LDLRAD3: variants seen among roughly 807,000 people sequenced by gnomAD.
The protein encoded by LDLRAD3 is low-density lipoprotein receptor class A domain-containing protein 3.
Under a neutral mutation model 29.4 loss-of-function variants are expected in LDLRAD3, and 20 were observed. The observed-to-expected ratio is 0.68, with a 90% CI of 0.48 to 0.99. LDLRAD3 has a LOEUF of 0.99. Ranked by LOEUF, LDLRAD3 falls within the 50% of genes least tolerant of loss-of-function variation. The probability of loss-of-function intolerance (pLI) is 0.00; values close to 1 mark genes in which losing one functional copy is unlikely to be tolerated. For synonymous variants in LDLRAD3, 157 were observed against 192.7 expected (o/e 0.81, Z 1.53); for missense variants, 420 against 454.3 (o/e 0.92, Z 0.69).
chr11:36,186,366 G>A lies in LDLRAD3; in HGVS notation c.455-40719G>A, dbSNP rs115046263. Reference sequence around the variant, plus strand: ...AGAAACTACGGTATATGCAGTTGCCGGCAATGTCTATAAAATAGTCTTCTC... The same window carrying A: ...AGAAACTACGGTATATGCAGTTGCCAGCAATGTCTATAAAATAGTCTTCTC... On this transcript the variant is annotated intron_variant, in intron 4 of 5. Coordinates refer to ENST00000315571, the MANE Select transcript of LDLRAD3 (RefSeq NM_174902.4). Among the ~76,000 whole-genome samples the A allele has an allele frequency of 5.3e-3, 802 of 152,238 alleles. 6 individuals are homozygous for A. The highest frequency in any genetic ancestry group is 0.018 in the African/African-American group (746 of 41,526).
intron 1 of LDLRAD3, among the ~76,000 whole-genome samples, chr11:35,978,125 A>G (rs1851497182): frequency 6.6e-6 from 1 of 152,146 alleles, no homozygotes. Flanking sequence ...GGATCTTCTT[A>G]CTGATTGACA....
At chr11:36,116,298 C>T (rs956015550) in intron 4 of LDLRAD3, among the ~76,000 whole-genome samples, 1 of 152,200 alleles carries the variant, frequency 6.6e-6, no homozygotes, top group Admixed American at 6.5e-5. Flanking sequence ...TTTTCTTTTT[C>T]CTGCCTACCA....
chr11:36,073,533 C>G (rs1160280842), intron 2 of LDLRAD3, among the ~76,000 whole-genome samples: 1 of 152,266 alleles, frequency 6.6e-6, no homozygotes, highest in Non-Finnish European at 1.5e-5. Context: ...TCCCCACAGC[C>G]CTGTAGCAAG....
At chr11:35,978,793 C>G (rs1384740607) in intron 1 of LDLRAD3, among the ~76,000 whole-genome samples, 2 of 152,188 alleles carry the variant, frequency 1.3e-5, no homozygotes, top group Admixed American at 1.3e-4. Flanking sequence ...AGTTGTTTCT[C>G]TAACATTCCA....
intron 1 of LDLRAD3, among the ~76,000 whole-genome samples, chr11:35,974,828 G>T (rs1319364864): frequency 2.0e-5 from 3 of 152,208 alleles, no homozygotes; most frequent in Non-Finnish European, 1.5e-5. Flanking sequence ...AGGGGAAGAG[G>T]ATCACACAAG....
At chr11:36,015,402 G>C (rs937932050) in intron 1 of LDLRAD3, among the ~76,000 whole-genome samples, 2 of 145,418 alleles carry the variant, frequency 1.4e-5, no homozygotes, top group African/African-American at 2.5e-5. Context: ...GTTGCTGGTT[G>C]CTCAGGCTGT....
chr11:35,985,504 G>C (rs980331681), intron 1 of LDLRAD3, among the ~76,000 whole-genome samples: 1 of 152,072 alleles, frequency 6.6e-6, no homozygotes, highest in African/African-American at 2.4e-5. Flanking sequence ...TCAGTCTCTT[G>C]GTCCCTGAGG....
At position 35,985,826 on chromosome 11, in the gene LDLRAD3, C is replaced by A. The variant is rs1851607939; in HGVS notation, c.46+41682C>A. ...GTGAGGCCTCCCCAGCCATGTGGAA[C>A]TGTGAGTCCATTAAGCCTTTTTTTT... On this transcript the variant is annotated intron_variant, in intron 1 of 5. Coordinates refer to ENST00000315571, the MANE Select transcript of LDLRAD3 (RefSeq NM_174902.4). Among the ~76,000 whole-genome samples the A allele has an allele frequency of 2.0e-5, 3 of 151,462 alleles. No individual in the cohort carries two copies. The South Asian group carries it at 6.3e-4, about 32-fold the overall frequency.
chr11:36,135,218 C>G (rs1020270407), intron 4 of LDLRAD3, among the ~76,000 whole-genome samples: 5 of 152,310 alleles, frequency 3.3e-5, no homozygotes, highest in African/African-American at 1.2e-4. Context: ...TGGCTTGTCT[C>G]TGGTCTTTCA....
chr11:36,106,304 C>T (rs1238341446), intron 4 of LDLRAD3, among the ~76,000 whole-genome samples: 1 of 152,158 alleles, frequency 6.6e-6, no homozygotes, highest in Non-Finnish European at 1.5e-5. Flanking sequence ...GAGTCAGAAC[C>T]CTTCCATGTT....
chr11:36,107,331 G>C (rs1216779989), intron 4 of LDLRAD3, among the ~76,000 whole-genome samples: 2 of 151,904 alleles, frequency 1.3e-5, no homozygotes, highest in African/African-American at 4.8e-5. Flanking sequence ...CTCCCGAGTA[G>C]CTGAGAGGCG....
At chr11:36,090,687 C>T (rs968941173) in intron 3 of LDLRAD3, among the ~76,000 whole-genome samples, 1 of 152,154 alleles carries the variant, frequency 6.6e-6, no homozygotes, top group Non-Finnish European at 1.5e-5. Context: ...ATCCTCGAGT[C>T]CTTAGAGCCT....
At chr11:36,204,698 A>T (rs1054613714) in intron 4 of LDLRAD3, among the ~76,000 whole-genome samples, 7 of 152,164 alleles carry the variant, frequency 4.6e-5, no homozygotes, top group Admixed American at 3.9e-4. Context: ...TATGTTGGCC[A>T]GGCTGGTCTT....
At chr11:35,982,266 C>T (rs1324195743) in intron 1 of LDLRAD3, among the ~76,000 whole-genome samples, 1 of 152,110 alleles carries the variant, frequency 6.6e-6, no homozygotes, top group East Asian at 1.9e-4. Flanking sequence ...CACTCTTTGT[C>T]GTTCCTTGGG....
At chr11:36,131,114 A>T (rs967948581) in intron 4 of LDLRAD3, among the ~76,000 whole-genome samples, 1 of 152,226 alleles carries the variant, frequency 6.6e-6, no homozygotes, top group African/African-American at 2.4e-5. Flanking sequence ...GGCATCAGAA[A>T]AACCACTCTA....
chr11:36,120,353 G>T (rs1853737732), intron 4 of LDLRAD3, among the ~76,000 whole-genome samples: 1 of 152,050 alleles, frequency 6.6e-6, no homozygotes. Flanking sequence ...TCCTTCACCA[G>T]AATATTTTCT....
At chr11:36,015,955 T>G (rs143495476) in intron 1 of LDLRAD3, among the ~76,000 whole-genome samples, 1 of 152,330 alleles carries the variant, frequency 6.6e-6, no homozygotes, top group Non-Finnish European at 1.5e-5. Context: ...TGATGCCACC[T>G]GGAAGACCCA....
intron 4 of LDLRAD3, among the ~76,000 whole-genome samples, chr11:36,224,341 G>T (rs1187920314): frequency 2.0e-5 from 3 of 152,052 alleles, no homozygotes; most frequent in African/African-American, 7.2e-5. Flanking sequence ...AGAAGCAGTG[G>T]CTCCAGGATT....
intron 1 of LDLRAD3, among the ~76,000 whole-genome samples, chr11:35,981,075 C>T (rs949528479): frequency 1.3e-4 from 20 of 152,142 alleles, no homozygotes; most frequent in African/African-American, 4.8e-4. Context: ...AGAAGAAAAA[C>T]AAATATAAGT....
Sources: gnomAD v4.1 joint callset for allele counts (sites outside exome capture counted in the v4.1 genomes callset) on GRCh38, gnomAD v4.1.1 for gene constraint, MANE v1.5 for transcripts, NCBI Gene and HGNC (gene_info 2026-07-23, HGNC 2026-07-21) for gene names.